The following KDM4C variants were observed in gnomAD, a reference collection of about 807,000 sequenced individuals.
KDM4C encodes lysine-specific demethylase 4C.
In KDM4C, 81 loss-of-function variants were observed where a neutral mutation model predicts 129.3. The observed-to-expected ratio is 0.63, with a 90% CI of 0.52 to 0.75. KDM4C has a LOEUF of 0.75. KDM4C is among the 30% of genes least tolerant of loss of function. The probability of loss-of-function intolerance (pLI) is 0.00; values close to 1 mark genes in which losing one functional copy is unlikely to be tolerated. For synonymous variants in KDM4C, 573 were observed against 456.1 expected (o/e 1.26, Z -3.26); for missense variants, 1,457 against 1,304.0 (o/e 1.12, Z -1.81).
At chr9:6,722,577 G>A (rs1466366073) in intron 1 of KDM4C, among the ~76,000 whole-genome samples, 5 of 151,492 alleles carry the variant, frequency 3.3e-5, no homozygotes, top group East Asian at 3.9e-4. Flanking sequence ...GCAATGGCGC[G>A]ATCTCGGCTC....
At chr9:6,884,550 T>C (rs1336982740) in intron 6 of KDM4C, among the ~76,000 whole-genome samples, 1 of 152,242 alleles carries the variant, frequency 6.6e-6, no homozygotes, top group Non-Finnish European at 1.5e-5. Flanking sequence ...CATCAAAGCA[T>C]ACTTGGGCAA....
chr9:6,742,849 G>A lies in KDM4C; in HGVS notation c.49+21852G>A, dbSNP rs543207658. ...GAAAATGGGGTCAAAAACTGCTGCC[G>A]CAAACATCTTCAGTGTCAGTAGCCA... On this transcript the variant is annotated intron_variant, in intron 1 of 17. Transcript: ENST00000536108. Among the ~76,000 whole-genome samples, 3 of 151,850 alleles carry A rather than the reference G, an allele frequency of 2.0e-5. No individual in the cohort carries two copies. In the East Asian group the frequency reaches 5.8e-4, roughly 29 times the overall value.
At chr9:6,807,865 G>T (rs1830358744) in intron 3 of KDM4C, among the ~76,000 whole-genome samples, 1 of 144,248 alleles carries the variant, frequency 6.9e-6, no homozygotes, top group African/African-American at 2.6e-5. Context: ...CCCCAACCTG[G>T]CCAGCCGCCC....
chr9:7,146,053 G>A lies in KDM4C; in HGVS notation c.2781+17817G>A, dbSNP rs117799020. ...ATTGAACACTTACCAGTGCAGCCAG[G>A]AGGAAGGTTAAATGAATTATTTATG... On this transcript the variant is annotated intron_variant, in intron 19 of 21. Transcript: ENST00000381309. Among the ~76,000 whole-genome samples the A allele has an allele frequency of 6.4e-3, 971 of 152,296 alleles. 7 individuals are homozygous for A. The highest frequency in any genetic ancestry group is 0.034 in the Middle Eastern group (10 of 294).
Position 6,963,500 on chromosome 9 carries a change from G to C in KDM4C, c.922-17425G>C, listed in dbSNP as rs140254551. Reference sequence around the variant, plus strand: ...TCATGGCATTGAGTTGTTTGTGGTAGGGGAGCTGACCTAGTCTATGGGCAT... The same window carrying C: ...TCATGGCATTGAGTTGTTTGTGGTACGGGAGCTGACCTAGTCTATGGGCAT... On this transcript the variant is annotated intron_variant, in intron 8 of 21. Coordinates refer to ENST00000381309, the MANE Select transcript of KDM4C (RefSeq NM_015061.6). Among the ~76,000 whole-genome samples, 7 of 152,296 alleles carry C rather than the reference G, an allele frequency of 4.6e-5. No individual in the cohort carries two copies. In the East Asian group the frequency reaches 1.4e-3, roughly 29 times the overall value.
At chr9:6,917,926 T>C (rs1293550102) in intron 8 of KDM4C, among the ~76,000 whole-genome samples, 1 of 152,246 alleles carries the variant, frequency 6.6e-6, no homozygotes, top group African/African-American at 2.4e-5. Flanking sequence ...CTTCATTCAC[T>C]GCATCATCAC....
chr9:6,824,014 A>T (rs760983967), intron 4 of KDM4C, among the ~76,000 whole-genome samples: 6 of 152,236 alleles, frequency 3.9e-5, no homozygotes, highest in Non-Finnish European at 8.8e-5. Flanking sequence ...TTGGGAAAAC[A>T]TCTGAGATAC....
At chr9:7,063,072 A>G (rs565880005) in intron 17 of KDM4C, among the ~76,000 whole-genome samples, 1 of 152,222 alleles carries the variant, frequency 6.6e-6, no homozygotes, top group Non-Finnish European at 1.5e-5. Context: ...ATGGATATAA[A>G]TAATTATGGA....
At chr9:7,048,555 G>A (rs1051566528) in intron 16 of KDM4C, among the ~76,000 whole-genome samples, 5 of 152,008 alleles carry the variant, frequency 3.3e-5, no homozygotes, top group South Asian at 2.1e-4. Flanking sequence ...TTGTCTCTGG[G>A]TTTCATTGAT....
chr9:7,134,182 C>A (rs748869903), intron 19 of KDM4C, among the ~76,000 whole-genome samples: 1 of 152,194 alleles, frequency 6.6e-6, no homozygotes, highest in African/African-American at 2.4e-5. Flanking sequence ...CCCACATGGC[C>A]TTTCACTCTT....
At chr9:7,072,929 A>G (rs1461445899) in intron 17 of KDM4C, among the ~76,000 whole-genome samples, 3 of 152,172 alleles carry the variant, frequency 2.0e-5, no homozygotes, top group African/African-American at 7.2e-5. Flanking sequence ...TAGTAGATTG[A>G]CTGTGGAAAT....
At chr9:6,848,411 A>G (rs2130073335) in intron 4 of KDM4C, among the ~76,000 whole-genome samples, 1 of 152,292 alleles carries the variant, frequency 6.6e-6, no homozygotes. Flanking sequence ...TCACGCTTGT[A>G]ATCTCAGCAC....
intron 19 of KDM4C, among the ~76,000 whole-genome samples, chr9:7,143,755 T>C (rs985326739): frequency 1.3e-5 from 2 of 152,226 alleles, no homozygotes; most frequent in Admixed American, 1.3e-4. Context: ...AGCATAATAA[T>C]GTTGACTAAA....
chr9:6,971,826 G>C lies in KDM4C; in HGVS notation c.922-9099G>C, dbSNP rs78233699. Among the ~76,000 whole-genome samples, 18 of 152,212 alleles carry C rather than the reference G, an allele frequency of 1.2e-4. No individual in the cohort carries two copies. The East Asian group carries it at 3.5e-3, about 29-fold the overall frequency. On this transcript the variant is annotated intron_variant, in intron 8 of 21. Coordinates refer to ENST00000381309, the MANE Select transcript of KDM4C (RefSeq NM_015061.6). ...ACTTACATAAATAGAAATGAGGGAA[G>C]TTATTGAATAATTCAAATATGGTGA...
chr9:6,952,989 T>A (rs1253665595), intron 8 of KDM4C, among the ~76,000 whole-genome samples: 1 of 152,212 alleles, frequency 6.6e-6, no homozygotes, highest in Admixed American at 6.5e-5. Context: ...TTATGTGATG[T>A]CATTTTAAAA....
At chr9:6,859,860 G>T in intron 5 of KDM4C, among the ~76,000 whole-genome samples, 1 of 132,714 alleles carries the variant, frequency 7.5e-6, no homozygotes, top group Non-Finnish European at 1.6e-5. Context: ...GCGAGACTCC[G>T]TCTCAAAAAA....
chr9:6,957,298 T>C (rs1688704548), intron 8 of KDM4C, among the ~76,000 whole-genome samples: 1 of 152,190 alleles, frequency 6.6e-6, no homozygotes, highest in African/African-American at 2.4e-5. Flanking sequence ...TATGTTTCAT[T>C]ATAAATATTG....
At chr9:6,929,053 T>G (rs10975906) in intron 8 of KDM4C, among the ~76,000 whole-genome samples, 12,874 of 152,226 alleles carry the variant, frequency 0.085, 1,517 homozygotes, top group African/African-American at 0.26. Context: ...AATATCTTCT[T>G]TATCCAAACA....
In KDM4C at chr9:7,128,021, T is replaced by G. The variant is rs758915345; in HGVS notation, c.2611-45T>G. The G allele has an allele frequency of 2.3e-6, 3 of 1,328,076 alleles. No homozygotes were observed. The African/African-American group carries it at 4.5e-5, about 20-fold the overall frequency. 82.3% of individuals were successfully genotyped at this position (1,328,076 alleles called of 1,614,324 possible). A position where few individuals can be genotyped will look rare whatever the true frequency, so the allele number is the denominator to read the frequency against. ...TTTTATTTTACGTCCTTTCTTTTCC[T>G]GTTCTCTTACTTCTTTTCTTCCTTT... On this transcript the variant is annotated intron_variant, in intron 18 of 21. Transcript: ENST00000381309.
Sources: allele counts gnomAD v4.1 joint callset (sites outside exome capture counted in the v4.1 genomes callset), GRCh38; gene constraint gnomAD v4.1.1; transcripts MANE v1.5; gene names NCBI Gene and HGNC (gene_info 2026-07-23, HGNC 2026-07-21).